Variants in GADL1 observed in about 807,000 individuals in gnomAD.
The protein encoded by GADL1 is acidic amino acid decarboxylase GADL1.
GADL1 carries 71 observed loss-of-function variants against 69.5 expected under a neutral mutation model. That is an observed-to-expected ratio of 1.02 (90% CI 0.84 to 1.25). GADL1 has a LOEUF of 1.25. GADL1 is among the 50% of genes most tolerant of loss of function. The pLI, the probability that GADL1 is intolerant of heterozygous loss-of-function variation, is 0.00. For synonymous variants in GADL1, 254 were observed against 214.4 expected (o/e 1.18, Z -1.62); for missense variants, 737 against 631.8 (o/e 1.17, Z -1.79).
At chr3:30,767,069 T>C (rs1480274042) in intron 14 of GADL1, among the ~76,000 whole-genome samples, 1 of 152,056 alleles carries the variant, frequency 6.6e-6, no homozygotes, top group Non-Finnish European at 1.5e-5. Flanking sequence ...GGTATAATGC[T>C]TAAATACTGT....
intron 14 of GADL1, among the ~76,000 whole-genome samples, chr3:30,744,841 G>C (rs1695677354): frequency 6.6e-6 from 1 of 152,210 alleles, no homozygotes; most frequent in Non-Finnish European, 1.5e-5. Context: ...GAGTGGCCAT[G>C]TTCCAATACA....
At chr3:30,786,922 T>C (rs1046301397) in intron 12 of GADL1, among the ~76,000 whole-genome samples, 1 of 152,128 alleles carries the variant, frequency 6.6e-6, no homozygotes, top group Non-Finnish European at 1.5e-5. Context: ...GTAGGCTGAT[T>C]ATCCTCAGCA....
intron 14 of GADL1, among the ~76,000 whole-genome samples, chr3:30,776,017 CG>C (rs1696528676): frequency 2.0e-5 from 3 of 151,882 alleles, no homozygotes; most frequent in Admixed American, 1.3e-4. Context: ...ACCCGAGAGG[CG>C]GAGGTTGCAG....
rs1320213993 is a variant in GADL1, at chr3:30,752,534, T to G, written c.1393-24119A>C. Among the ~76,000 whole-genome samples the G allele has an allele frequency of 6.6e-5, 10 of 152,202 alleles. No individual in the cohort carries two copies. In the East Asian group the frequency reaches 1.5e-3, roughly 23 times the overall value. On this transcript the variant is annotated intron_variant, in intron 14 of 14. Coordinates refer to ENST00000282538, the MANE Select transcript of GADL1 (RefSeq NM_207359.3). ...AGGATGCTGTGGGACACTGTTTGCT[T>G]CTTTAAATCACCATAACCACTCATA...
chr3:30,733,428 A>G (rs994117276), intron 14 of GADL1, among the ~76,000 whole-genome samples: 2 of 152,120 alleles, frequency 1.3e-5, no homozygotes, highest in African/African-American at 2.4e-5. Context: ...TTCTATGTCA[A>G]CTTGAGGAGA....
chr3:30,769,374 GTATGCACA>G (rs1358625561), intron 14 of GADL1, among the ~76,000 whole-genome samples: 3 of 152,032 alleles, frequency 2.0e-5, no homozygotes, highest in Admixed American at 1.3e-4. Context: ...TGTCTGGAAC[GTATGCACA>G]CACGCACACA....
At chr3:30,762,871 TAAC>T (rs1223951987) in intron 14 of GADL1, among the ~76,000 whole-genome samples, 4 of 152,178 alleles carry the variant, frequency 2.6e-5, no homozygotes, top group African/African-American at 7.2e-5. Flanking sequence ...TTATTTCACT[TAAC>T]ATTACAATCT....
intron 12 of GADL1, chr3:30,798,875 C>CA (rs1198070734): frequency 6.6e-6 from 1 of 152,146 alleles, no homozygotes; most frequent in Admixed American, 6.6e-5. Context: ...AGGACCCATG[C>CA]AAGTCTGAAT....
Position 30,892,331 on chromosome 3 carries a change from AATGT to A in GADL1, c.37+2243_37+2246del, listed in dbSNP as rs1698797476. Among the ~76,000 whole-genome samples, 5 of 152,330 alleles carry A rather than the reference AATGT, an allele frequency of 3.3e-5. No homozygotes were observed. The South Asian group carries it at 1.0e-3, about 32-fold the overall frequency. ...AAGATATCATTTAACATACGAATTC[AATGT>A]TACCTTCAGGATCTCATCATACATA... is the stretch of plus-strand genomic sequence containing the variant. On this transcript the variant is annotated intron_variant, in intron 1 of 14. Coordinates refer to ENST00000282538, the MANE Select transcript of GADL1 (RefSeq NM_207359.3).
chr3:30,879,011 T>A (rs1428370010), intron 1 of GADL1, among the ~76,000 whole-genome samples: 1 of 151,892 alleles, frequency 6.6e-6, no homozygotes, highest in African/African-American at 2.4e-5. Flanking sequence ...TCTAGGTATG[T>A]GGGGAGTAAA....
chr3:30,763,857 A>G lies in GADL1; in HGVS notation c.1392+14322T>C, dbSNP rs1010593852. 4.6e-5 allele frequency among the ~76,000 whole-genome samples: 7 copies of G among 152,108 alleles called. No homozygotes were observed. The East Asian group carries it at 1.4e-3, about 29-fold the overall frequency. ...TGACCAGAAAATTCTAAATGTGAAGATATCAGAAAATATCACCTTAAAATG... is the reference window on the plus strand; with the variant it reads ...TGACCAGAAAATTCTAAATGTGAAGGTATCAGAAAATATCACCTTAAAATG... On this transcript the variant is annotated intron_variant, in intron 14 of 14. Transcript: ENST00000282538.
intron 14 of GADL1, among the ~76,000 whole-genome samples, chr3:30,754,689 A>C (rs1373007207): frequency 6.6e-6 from 1 of 152,178 alleles, no homozygotes; most frequent in African/African-American, 2.4e-5. Flanking sequence ...ACTGCCTAAG[A>C]GCTCTGGTTC....
At chr3:30,859,189 G>A (rs1441486124) in intron 2 of GADL1, among the ~76,000 whole-genome samples, 1 of 151,848 alleles carries the variant, frequency 6.6e-6, no homozygotes, top group Non-Finnish European at 1.5e-5. Flanking sequence ...TGGAGGGGAG[G>A]AGAGAGATAG....
At chr3:30,842,129 A>C (rs1161300499) in intron 8 of GADL1, among the ~76,000 whole-genome samples, 3 of 152,194 alleles carry the variant, frequency 2.0e-5, no homozygotes, top group Non-Finnish European at 4.4e-5. Flanking sequence ...TTGACGTATC[A>C]ACCAAATGCA....
chr3:30,793,495 G>A (rs566909515), intron 12 of GADL1, among the ~76,000 whole-genome samples: 95 of 152,206 alleles, frequency 6.2e-4, no homozygotes, highest in African/African-American at 1.9e-3. Flanking sequence ...AAGTGGACTC[G>A]AAAAGCAGTA....
intron 11 of GADL1, among the ~76,000 whole-genome samples, chr3:30,819,474 G>C (rs1229938775): frequency 6.6e-6 from 1 of 152,012 alleles, no homozygotes; most frequent in Non-Finnish European, 1.5e-5. Flanking sequence ...TCATAAATCA[G>C]CCTTTGCTCA....
intron 11 of GADL1, among the ~76,000 whole-genome samples, chr3:30,802,454 A>G (rs1697182813): frequency 6.9e-6 from 1 of 145,134 alleles, no homozygotes; most frequent in South Asian, 2.1e-4. Context: ...AAACTTTAAC[A>G]ATGCAAAACT....
intron 14 of GADL1, among the ~76,000 whole-genome samples, chr3:30,776,537 ACCAT>A (rs908354485): frequency 1.3e-5 from 2 of 152,200 alleles, no homozygotes; most frequent in African/African-American, 4.8e-5. Context: ...CAGATATAAC[ACCAT>A]CCATCTCTCC....
At chr3:30,737,678 T>C (rs1261590390) in intron 14 of GADL1, among the ~76,000 whole-genome samples, 2 of 152,292 alleles carry the variant, frequency 1.3e-5, no homozygotes, top group South Asian at 2.1e-4. Context: ...CATGAAATCA[T>C]GTGCATCCAA....
Sources: gnomAD v4.1 joint callset for allele counts (sites outside exome capture counted in the v4.1 genomes callset) on GRCh38, gnomAD v4.1.1 for gene constraint, MANE v1.5 for transcripts, NCBI Gene and HGNC (gene_info 2026-07-23, HGNC 2026-07-21) for gene names.